The following SLIT2 variants were observed in gnomAD, a reference collection of about 807,000 sequenced individuals.
SLIT2 encodes slit guidance ligand 2.
Under a neutral mutation model 185.7 loss-of-function variants are expected in SLIT2, and 41 were observed. The ratio of observed to expected loss-of-function variants is 0.22; its 90% CI spans 0.17 to 0.29. The LOEUF is 0.29. SLIT2 is among the 10% of genes least tolerant of loss of function. The pLI, the probability that SLIT2 is intolerant of heterozygous loss-of-function variation, is 1.00. For missense variants in SLIT2, 1,571 were observed against 1,909.0 expected (o/e 0.82, Z 3.30); for synonymous variants, 693 against 680.2 (o/e 1.02, Z -0.29).
chr4:20,518,090 TATATACACACAC>T (rs1720374478), intron 11 of SLIT2, among the ~76,000 whole-genome samples: 1 of 146,632 alleles, frequency 6.8e-6, no homozygotes, highest in East Asian at 2.0e-4. Flanking sequence ...TGTGTATATA[TATATACACACAC>T]ATATATATAC....
chr4:20,376,142 A>G (rs1175689299), intron 4 of SLIT2, among the ~76,000 whole-genome samples: 1 of 83,506 alleles, frequency 1.2e-5, no homozygotes, highest in Non-Finnish European at 2.6e-5. Flanking sequence ...TTTTTTTTTT[A>G]CAAATCTCTT....
intron 4 of SLIT2, among the ~76,000 whole-genome samples, chr4:20,318,514 G>A (rs1177390520): frequency 6.6e-6 from 1 of 152,184 alleles, no homozygotes; most frequent in East Asian, 1.9e-4. Flanking sequence ...GTGCTTTCCA[G>A]TCCAAAATTC....
At chr4:20,303,558 A>G (rs1717256662) in intron 4 of SLIT2, among the ~76,000 whole-genome samples, 1 of 151,942 alleles carries the variant, frequency 6.6e-6, no homozygotes, top group Admixed American at 6.6e-5. Context: ...CCTCCTTTGT[A>G]CCAACCTCTG....
intron 4 of SLIT2, among the ~76,000 whole-genome samples, chr4:20,457,890 G>A (rs1385670415): frequency 3.9e-5 from 6 of 152,126 alleles, no homozygotes; most frequent in Non-Finnish European, 1.5e-5. Context: ...ATAGATCGGA[G>A]CATTTGATCT....
intron 4 of SLIT2, 102 bp from the exon 5 acceptor site, chr4:20,467,650 C>CT (rs933998535): frequency 1.5e-5 from 9 of 619,690 alleles, no homozygotes; most frequent in African/African-American, 1.3e-4. Flanking sequence ...TTAGGGTTTT[C>CT]TTTTTTCTTT....
rs1191025385 is a variant in SLIT2, at chr4:20,472,255, G to GATATATAGATCTATAT, written c.467+4434_467+4435insATATAGATCTATATAT. ...ATATAGATCTATATATCTATATATA[G>GATATATAGATCTATAT]ATCTATATATAGATATATATCTATA... On this transcript the variant is annotated intron_variant, in intron 5 of 36. Coordinates refer to ENST00000504154, the MANE Select transcript of SLIT2 (RefSeq NM_004787.4). 1.4e-4 allele frequency among the ~76,000 whole-genome samples: 3 copies of GATATATAGATCTATAT among 21,898 alleles called. No individual in the cohort carries two copies. The South Asian group carries it at 6.2e-3, about 45-fold the overall frequency. The allele number at this position is 21,898 out of a possible 152,430, so 14.4% of individuals were successfully genotyped here.
rs1363646919 is a variant in SLIT2 at position 20,252,609 on chromosome 4, C to A, written c.-1207C>A. Among the ~76,000 whole-genome samples, 1 of 152,254 alleles carries A rather than the reference C, an allele frequency of 6.6e-6. No homozygotes were observed. Among genetic ancestry groups the A allele is most frequent in the East Asian group, 1.9e-4 (1 of 5,168 alleles). ...GGGGCCGGCCGTGGCTCTGCGCCCT[C>A]CGGAACCCGGCTCTTGTTTCTTCTA... is the stretch of plus-strand genomic sequence containing the variant. On this transcript the variant is annotated 5_prime_UTR_variant, in exon 1 of 37. Transcript: ENST00000504154.
At chr4:20,308,034 A>G (rs1363833188) in intron 4 of SLIT2, among the ~76,000 whole-genome samples, 2 of 152,188 alleles carry the variant, frequency 1.3e-5, no homozygotes, top group Non-Finnish European at 1.5e-5. Flanking sequence ...GAGGAGATTA[A>G]TTATTATGAT....
At chr4:20,311,812 A>G (rs1224196477) in intron 4 of SLIT2, among the ~76,000 whole-genome samples, 2 of 152,196 alleles carry the variant, frequency 1.3e-5, no homozygotes, top group South Asian at 2.1e-4. Context: ...TGTGTATCCA[A>G]TAAGCTATCT....
intron 33 of SLIT2, among the ~76,000 whole-genome samples, chr4:20,606,481 C>A (rs1308347114): frequency 4.5e-4 from 64 of 142,704 alleles, no homozygotes; most frequent in South Asian, 1.1e-3. Context: ...GACTCTGTCT[C>A]AAAAAAAAAA....
intron 4 of SLIT2, among the ~76,000 whole-genome samples, chr4:20,312,241 A>C (rs561604895): frequency 6.6e-6 from 1 of 152,210 alleles, no homozygotes; most frequent in African/African-American, 2.4e-5. Context: ...TACTCAACCA[A>C]CTCAACTAAC....
intron 4 of SLIT2, among the ~76,000 whole-genome samples, chr4:20,390,760 T>TG (rs1491385821): frequency 1.3e-4 from 10 of 76,330 alleles, no homozygotes; most frequent in African/African-American, 3.1e-4. Context: ...AAAGATCTTA[T>TG]TTTTTTTTTT....
rs572037932 is a variant in SLIT2 at position 20,472,378 on chromosome 4, A to C, written c.467+4555A>C. 3.0e-4 allele frequency among the ~76,000 whole-genome samples: 8 copies of C among 26,648 alleles called. No individual in the cohort carries two copies. The South Asian group carries it at 0.011, about 36-fold the overall frequency. The allele number at this position is 26,648 out of a possible 152,430, so 17.5% of individuals were successfully genotyped here. On this transcript the variant is annotated intron_variant, in intron 5 of 36. Transcript: ENST00000504154. ...GATATCTATATAGATATCTATATCT[A>C]TATATATGTAGATATATAGATATAG...
Position 20,617,144 on chromosome 4 carries a change from G to A in SLIT2, c.4082G>A (p.Gly1361Glu). Reference sequence around the variant, plus strand: ...GGCTTCACCTGCGAGTGCCAGGAAGGATGGATGGGGCCCCTCTGTGACCAA... The same window carrying A: ...GGCTTCACCTGCGAGTGCCAGGAAGAATGGATGGGGCCCCTCTGTGACCAA... ...QAGFTCECQE[G>E]WMGPLCDQRT... The change falls in exon 35 of 37, where the codon GGA becomes GAA. Residue 1361 changes from glycine (G) to glutamate (E), a missense_variant. Transcript: ENST00000504154. 6.2e-7 allele frequency: 1 copy of A among 1,609,056 alleles called. No individual in the cohort carries two copies. The highest frequency in any genetic ancestry group is 8.5e-7 in the Non-Finnish European group (1 of 1,175,950).
intron 4 of SLIT2, among the ~76,000 whole-genome samples, chr4:20,424,123 G>A (rs1728371754): frequency 6.6e-6 from 1 of 152,114 alleles, no homozygotes; most frequent in Admixed American, 6.5e-5. Flanking sequence ...TGGAACTAAT[G>A]TTTTTATTGG....
chr4:20,512,471 T>C (rs1719843205), intron 11 of SLIT2, among the ~76,000 whole-genome samples: 1 of 152,196 alleles, frequency 6.6e-6, no homozygotes, highest in South Asian at 2.1e-4. Context: ...TTGCTTCTTT[T>C]TGACTTGGAG....
intron 10 of SLIT2, 29 bp downstream of exon 10, chr4:20,510,595 T>C: frequency 7.0e-7 from 1 of 1,429,732 alleles, no homozygotes; most frequent in Non-Finnish European, 9.8e-7. Context: ...ACAATATATG[T>C]AATTTTAAAA....
chr4:20,502,853 G>C (rs1718865354), intron 9 of SLIT2, among the ~76,000 whole-genome samples: 1 of 152,130 alleles, frequency 6.6e-6, no homozygotes, highest in African/African-American at 2.4e-5. Flanking sequence ...ATGGAGGGTG[G>C]TTTGAAAGAA....
chr4:20,392,115 T>G (rs560015018), intron 4 of SLIT2: 1 of 152,120 alleles, frequency 6.6e-6, no homozygotes, highest in East Asian at 1.9e-4. Flanking sequence ...GATTTTGTCA[T>G]TGTGTGACAT....
Sources: gnomAD v4.1 joint callset for allele counts (sites outside exome capture counted in the v4.1 genomes callset) on GRCh38, gnomAD v4.1.1 for gene constraint, MANE v1.5 for transcripts, NCBI Gene and HGNC (gene_info 2026-07-23, HGNC 2026-07-21) for gene names.